Variants in FBLN1 observed in about 807,000 individuals in gnomAD.
FBLN1 encodes the protein fibulin 1.
A neutral mutation model predicts 89.7 loss-of-function variants in FBLN1; 34 were observed. The ratio of observed to expected loss-of-function variants is 0.38; its 90% CI spans 0.29 to 0.50. The LOEUF (loss-of-function observed/expected upper bound fraction) is 0.50, where lower values mean the gene tolerates loss of function less well. Among genes scored for constraint, FBLN1 ranks in the 20% least tolerant of loss-of-function variants. The pLI is 0.92. For missense variants in FBLN1, 777 were observed against 988.1 expected (o/e 0.79, Z 2.86); for synonymous variants, 393 against 391.3 (o/e 1.00, Z -0.05).
In FBLN1 at chr22:45,536,012, A is replaced by G. The variant is rs913980938; in HGVS notation, c.922+675A>G. Among the ~76,000 whole-genome samples, 2 of 152,172 alleles carry G rather than the reference A, an allele frequency of 1.3e-5. No homozygotes were observed. The highest frequency in any genetic ancestry group is 2.1e-4 in the South Asian group (1 of 4,822). On this transcript the variant is annotated intron_variant, in intron 8 of 16. Transcript: ENST00000327858. The surrounding 1 kb of genome is among the most constrained non-coding windows in gnomAD (Gnocchi z 5.1). ...AGCCTGGGCAATATAGCGAGACCCCATCACTACAAAAAATTAGCTGGGTGT... is the reference window on the plus strand; with the variant it reads ...AGCCTGGGCAATATAGCGAGACCCCGTCACTACAAAAAATTAGCTGGGTGT...
chr22:45,529,559 T>C (rs1188311358), intron 4 of FBLN1, among the ~76,000 whole-genome samples: 1 of 152,072 alleles, frequency 6.6e-6, no homozygotes, highest in Non-Finnish European at 1.5e-5. Context: ...TTGCCCCCAC[T>C]CTCTTAAAAA....
rs1266489339 is a variant in FBLN1 at position 45,532,679 on chromosome 22, G to T, written c.545-384G>T. ...GGCTTGGAGCAGTGGGACAGCTCGA[G>T]AGTTCAGTGAGGAGCAGGTACATGA... is the stretch of plus-strand genomic sequence containing the variant. On this transcript the variant is annotated intron_variant, in intron 5 of 16. Coordinates refer to ENST00000327858, the MANE Select transcript of FBLN1 (RefSeq NM_006486.3). The surrounding 1 kb of genome is among the most constrained non-coding windows in gnomAD (Gnocchi z 4.2). Among the ~76,000 whole-genome samples the T allele has an allele frequency of 6.6e-6, 1 of 152,140 alleles. No homozygotes were observed. The highest frequency in any genetic ancestry group is 1.5e-5 in the Non-Finnish European group (1 of 68,020).
chr22:45,560,701 C>T (rs976075948), intron 14 of FBLN1, among the ~76,000 whole-genome samples: 2 of 152,172 alleles, frequency 1.3e-5, no homozygotes, highest in African/African-American at 4.8e-5. Flanking sequence ...TTCTCATGCC[C>T]GTTCTCCAGA....
chr22:45,555,647 C>T (rs1004737353), intron 14 of FBLN1, among the ~76,000 whole-genome samples: 32 of 152,162 alleles, frequency 2.1e-4, no homozygotes, highest in Non-Finnish European at 1.2e-4. Context: ...CTCACAGACA[C>T]ACCCAGGATC....
At chr22:45,540,930 T>C (rs2088547455) in intron 8 of FBLN1, among the ~76,000 whole-genome samples, 1 of 151,674 alleles carries the variant, frequency 6.6e-6, no homozygotes, top group South Asian at 2.1e-4. Context: ...GTGTGTGGAG[T>C]AGATGAATGC....
intron 8 of FBLN1, 83 bp downstream of exon 8, chr22:45,535,420 G>A (rs369653723): frequency 2.0e-5 from 31 of 1,539,762 alleles, no homozygotes; most frequent in African/African-American, 4.1e-5. Flanking sequence ...TAGAATCTGC[G>A]GGGCCGCATG....
intron 2 of FBLN1, among the ~76,000 whole-genome samples, chr22:45,523,965 T>C (rs2088285865): frequency 6.6e-6 from 1 of 152,190 alleles, no homozygotes; most frequent in Non-Finnish European, 1.5e-5. Flanking sequence ...GGCTAGCCAA[T>C]AGTTTTTGAA....
rs2088784230 is a variant in FBLN1, at chr22:45,556,048, TGTG to T, written c.1697+5440_1697+5442del. Among the ~76,000 whole-genome samples, 1 of 152,204 alleles carries T rather than the reference TGTG, an allele frequency of 6.6e-6. No individual in the cohort carries two copies. The highest frequency in any genetic ancestry group is 6.5e-5 in the Admixed American group (1 of 15,284). On this transcript the variant is annotated intron_variant, in intron 14 of 16. Coordinates refer to ENST00000327858, the MANE Select transcript of FBLN1 (RefSeq NM_006486.3). This position sits in a 1 kb window ranked among gnomAD's most constrained non-coding sequence, Gnocchi z 4.6. ...TCTCCCTCTGTTGCCGAGGCTGAAG[TGTG>T]GTGGTGTGATTTTGTCTCACCGCAA...
chr22:45,525,185 GA>G (rs987078697), intron 2 of FBLN1, among the ~76,000 whole-genome samples: 8 of 117,404 alleles, frequency 6.8e-5, no homozygotes, highest in African/African-American at 2.9e-4. Flanking sequence ...GAGAAAGAGA[GA>G]GAGAGAGAGA....
At chr22:45,552,532 G>A (rs1243866449) in intron 14 of FBLN1, among the ~76,000 whole-genome samples, 1 of 152,174 alleles carries the variant, frequency 6.6e-6, no homozygotes, top group African/African-American at 2.4e-5. Context: ...TGCTTAACAC[G>A]TTTTTTCATC....
Position 45,580,437 on chromosome 22 carries a change from G to C in FBLN1, c.1972+3329G>C, listed in dbSNP as rs972543636. ...AGGAGGGCTTCCTGGAGGAGGTGAGGCCCGAGCTGAGTGTCCTTGCATGTG... is the reference window on the plus strand; with the variant it reads ...AGGAGGGCTTCCTGGAGGAGGTGAGCCCCGAGCTGAGTGTCCTTGCATGTG... On this transcript the variant is annotated intron_variant, in intron 16 of 16. Coordinates refer to ENST00000327858, the MANE Select transcript of FBLN1 (RefSeq NM_006486.3). The surrounding 1 kb of genome is among the most constrained non-coding windows in gnomAD (Gnocchi z 8.6). 1.3e-5 allele frequency among the ~76,000 whole-genome samples: 2 copies of C among 152,204 alleles called. No homozygotes were observed. Among genetic ancestry groups the C allele is most frequent in the Admixed American group, 1.3e-4 (2 of 15,290 alleles).
rs6006764 is a variant in FBLN1 at position 45,515,297 on chromosome 22, G to A, written c.80-3385G>A. Reference sequence around the variant, plus strand: ...TGGACTCCCTGATGGGGCTGTGCAGGAGCTCTCCCTTGGCTAATGACGGGG... The same window carrying A: ...TGGACTCCCTGATGGGGCTGTGCAGAAGCTCTCCCTTGGCTAATGACGGGG... On this transcript the variant is annotated intron_variant, in intron 1 of 16. Coordinates refer to ENST00000327858, the MANE Select transcript of FBLN1 (RefSeq NM_006486.3). Among the ~76,000 whole-genome samples, 1,320 of 152,286 alleles carry A rather than the reference G, an allele frequency of 8.7e-3. 17 individuals carry two copies. Among genetic ancestry groups the A allele is most frequent in the African/African-American group, 0.031 (1,269 of 41,556 alleles).
Position 45,583,309 on chromosome 22 carries a change from C to T in FBLN1, c.1972+6201C>T, listed in dbSNP as rs1050528048. Reference sequence around the variant, plus strand: ...AGGGTTTGGGTCCTCAGCTCCTGGCCGGGGCAAGTCTGGCCAAGCAGCATG... The same window carrying T: ...AGGGTTTGGGTCCTCAGCTCCTGGCTGGGGCAAGTCTGGCCAAGCAGCATG... On this transcript the variant is annotated intron_variant, in intron 16 of 16. Coordinates refer to ENST00000327858, the MANE Select transcript of FBLN1 (RefSeq NM_006486.3). This position sits in a 1 kb window ranked among gnomAD's most constrained non-coding sequence, Gnocchi z 4.5. 3.3e-5 allele frequency among the ~76,000 whole-genome samples: 5 copies of T among 152,120 alleles called. No homozygotes were observed. Among genetic ancestry groups the T allele is most frequent in the Admixed American group, 6.5e-5 (1 of 15,278 alleles).
intron 14 of FBLN1, among the ~76,000 whole-genome samples, chr22:45,566,944 G>A (rs775137697): frequency 9.9e-5 from 15 of 152,236 alleles, no homozygotes; most frequent in South Asian, 2.1e-4. Context: ...TGAGACAGGC[G>A]CTGTTCCAAG....
chr22:45,513,847 G>A (rs1171324414), intron 1 of FBLN1, among the ~76,000 whole-genome samples: 1 of 152,086 alleles, frequency 6.6e-6, no homozygotes, highest in Non-Finnish European at 1.5e-5. Context: ...AGGCTGGAGT[G>A]CAGTGGCGTG....
rs77035925 is a variant in FBLN1 at position 45,518,812 on chromosome 22, T to G, written c.185+25T>G. 109,518 of 1,548,336 alleles carry G rather than the reference T, an allele frequency of 0.071. 4,304 individuals carry two copies. The highest frequency in any genetic ancestry group is 0.08 in the Non-Finnish European group (90,191 of 1,130,694). On this transcript the variant is annotated intron_variant, in intron 2 of 16. Coordinates refer to ENST00000327858, the MANE Select transcript of FBLN1 (RefSeq NM_006486.3). ...GGTACGTTTGCCAGTGGCCACTGTT[T>G]CACTGGAACAATGTTCCTTTAGAGA...
In FBLN1 at chr22:45,580,270, G is replaced by C. The variant is rs2089031666; in HGVS notation, c.1972+3162G>C. On this transcript the variant is annotated intron_variant, in intron 16 of 16. Transcript: ENST00000327858. The surrounding 1 kb of genome is among the most constrained non-coding windows in gnomAD (Gnocchi z 8.6). ...GCTGCTGCTCCTGGTGGGGAGCGTGGGAGGCTCTTGAGCCTCCTGGGCAGC... is the reference window on the plus strand; with the variant it reads ...GCTGCTGCTCCTGGTGGGGAGCGTGCGAGGCTCTTGAGCCTCCTGGGCAGC... 6.6e-6 allele frequency among the ~76,000 whole-genome samples: 1 copy of C among 152,140 alleles called. No individual in the cohort carries two copies. Among genetic ancestry groups the C allele is most frequent in the Admixed American group, 6.5e-5 (1 of 15,280 alleles).
chr22:45,595,182 G>A (rs2089173878), intron 16 of FBLN1, among the ~76,000 whole-genome samples: 1 of 152,114 alleles, frequency 6.6e-6, no homozygotes, highest in Non-Finnish European at 1.5e-5. Context: ...AGTGTGGGCA[G>A]GTCCGCTGAC....
chr22:45,598,467 GGTCTGTGCCTGTT>G, intron 16 of FBLN1, among the ~76,000 whole-genome samples: 1 of 152,142 alleles, frequency 6.6e-6, no homozygotes, highest in Non-Finnish European at 1.5e-5. Flanking sequence ...AGCACCCATA[GGTCTGTGCCTGTT>G]TGGCCGCAGA....
Sources: allele counts gnomAD v4.1 joint callset (sites outside exome capture counted in the v4.1 genomes callset), GRCh38; gene constraint gnomAD v4.1.1; non-coding constraint Gnocchi (gnomAD v3.1); transcripts MANE v1.5; gene names NCBI Gene and HGNC (gene_info 2026-07-23, HGNC 2026-07-21).